SUGCT: variants seen among roughly 807,000 people sequenced by gnomAD.
SUGCT encodes succinyl-CoA:glutarate CoA-transferase.
SUGCT carries 41 observed loss-of-function variants against 55.0 expected under a neutral mutation model. That is an observed-to-expected ratio of 0.74 (90% CI 0.58 to 0.97). SUGCT has a LOEUF of 0.97. Among genes scored for constraint, SUGCT ranks in the 50% least tolerant of loss-of-function variants. The pLI is 0.00. For missense variants in SUGCT, 568 were observed against 547.8 expected, an observed-to-expected ratio of 1.04 and a Z score of -0.37; for synonymous variants, 187 against 200.4, an observed-to-expected ratio of 0.93 and a Z score of 0.56.
At chr7:40,630,182 AGCT>A (rs2151807233) in intron 12 of SUGCT, among the ~76,000 whole-genome samples, 1 of 152,314 alleles carries the variant, frequency 6.6e-6, no homozygotes, top group South Asian at 2.1e-4. Context: ...GTCTCCTGTG[AGCT>A]GCTTTCTCAT....
At chr7:40,626,130 A>G (rs1233667315) in intron 12 of SUGCT, among the ~76,000 whole-genome samples, 1 of 152,240 alleles carries the variant, frequency 6.6e-6, no homozygotes. Flanking sequence ...CTTGTGGCCA[A>G]AAGGACGTTC....
chr7:40,730,975 C>T (rs1201121922), intron 12 of SUGCT, among the ~76,000 whole-genome samples: 1 of 152,050 alleles, frequency 6.6e-6, no homozygotes, highest in Non-Finnish European at 1.5e-5. Flanking sequence ...AATGAATGGA[C>T]AAGTAATAGA....
At chr7:41,018,426 A>T in the SUGCT span, among the ~76,000 whole-genome samples, 2 of 152,168 alleles carry the variant, frequency 1.3e-5, no homozygotes, top group Non-Finnish European at 2.9e-5. Flanking sequence ...GGGAAAGGTG[A>T]GGAAGCATGG....
intron 12 of SUGCT, among the ~76,000 whole-genome samples, chr7:40,514,429 C>T (rs1326708356): frequency 2.0e-5 from 3 of 151,916 alleles, no homozygotes; most frequent in African/African-American, 7.3e-5. Context: ...CAAGCTAAGG[C>T]CAGGCGTGGG....
intron 1 of SUGCT, 95 bp downstream of exon 1, chr7:40,135,215 T>C (rs929538961): frequency 1.5e-6 from 2 of 1,355,716 alleles, no homozygotes; most frequent in Admixed American, 2.8e-5. Context: ...GTCTGAAGTC[T>C]CTGCTGACCC....
the SUGCT span, chr7:40,966,020 AC>A: frequency 2.0e-5 from 3 of 152,226 alleles, no homozygotes; most frequent in East Asian, 1.9e-4. Flanking sequence ...TTACACAGAA[AC>A]CCTTTTTAAA....
chr7:40,740,485 T>C (rs911092766), intron 12 of SUGCT, among the ~76,000 whole-genome samples: 8 of 151,040 alleles, frequency 5.3e-5, no homozygotes, highest in African/African-American at 1.9e-4. Context: ...TAGTAATAAG[T>C]CAAATAAGAG....
the SUGCT span, chr7:40,966,313 T>C: frequency 6.6e-6 from 1 of 152,252 alleles, no homozygotes; most frequent in Non-Finnish European, 1.5e-5. Flanking sequence ...GATTCTGCAT[T>C]GATGGAAAAA....
intron 13 of SUGCT, among the ~76,000 whole-genome samples, chr7:40,802,054 C>CTT (rs77975324): frequency 6.6e-6 from 1 of 151,256 alleles, no homozygotes; most frequent in Non-Finnish European, 1.5e-5. Flanking sequence ...AGAACAGACT[C>CTT]TTTTTTTTCC....
At chr7:40,441,178 C>T (rs886755316) in intron 9 of SUGCT, among the ~76,000 whole-genome samples, 1 of 152,086 alleles carries the variant, frequency 6.6e-6, no homozygotes, top group African/African-American at 2.4e-5. Flanking sequence ...ACTTTATGAA[C>T]TTAGTCAAAA....
At chr7:40,480,997 A>T (rs1364973242) in intron 11 of SUGCT, among the ~76,000 whole-genome samples, 2 of 152,160 alleles carry the variant, frequency 1.3e-5, no homozygotes, top group Non-Finnish European at 2.9e-5. Flanking sequence ...ACCATTAAAC[A>T]TGGGGGCAGC....
At chr7:40,389,469 A>ACAAACAAG (rs10660450) in intron 9 of SUGCT, among the ~76,000 whole-genome samples, 4,379 of 148,458 alleles carry the variant, frequency 0.029, 80 homozygotes, top group South Asian at 0.048. Context: ...AAACAAACAA[A>ACAAACAAG]CAAGCAAAAA....
the SUGCT span, among the ~76,000 whole-genome samples, chr7:40,986,881 A>G: frequency 6.6e-6 from 1 of 152,186 alleles, no homozygotes; most frequent in South Asian, 2.1e-4. Context: ...CAGCCAAAAG[A>G]AATAAAAAAA....
At chr7:40,867,624 A>G in the SUGCT span, among the ~76,000 whole-genome samples, 1 of 152,222 alleles carries the variant, frequency 6.6e-6, no homozygotes, top group Admixed American at 6.5e-5. Context: ...AGTCCCACAA[A>G]ATGAGAAGAT....
At chr7:40,282,054 C>G (rs1391702683) in intron 8 of SUGCT, among the ~76,000 whole-genome samples, 1 of 152,112 alleles carries the variant, frequency 6.6e-6, no homozygotes, top group Non-Finnish European at 1.5e-5. Context: ...CTCCTGACCT[C>G]AAGAGTGCTG....
chr7:40,642,245 C>A (rs1314563842), intron 12 of SUGCT, among the ~76,000 whole-genome samples: 4 of 152,178 alleles, frequency 2.6e-5, no homozygotes, highest in Non-Finnish European at 5.9e-5. Context: ...TTTTTATATA[C>A]TTTCGATGAT....
chr7:40,885,033 G>A, the SUGCT span, among the ~76,000 whole-genome samples: 89,092 of 151,830 alleles, frequency 0.59, 26,548 homozygotes, highest in East Asian at 0.92. Flanking sequence ...CCTGTTATAT[G>A]CATTAATGAA....
intron 9 of SUGCT, among the ~76,000 whole-genome samples, chr7:40,362,892 G>A (rs1798224868): frequency 6.6e-6 from 1 of 152,068 alleles, no homozygotes. Context: ...TTGTCTTATA[G>A]TATATGAAAT....
chr7:40,614,857 T>G (rs1798921403), intron 12 of SUGCT, among the ~76,000 whole-genome samples: 1 of 151,948 alleles, frequency 6.6e-6, no homozygotes, highest in Non-Finnish European at 1.5e-5. Flanking sequence ...TTCAGGAGTT[T>G]GAGACCAGGC....
Sources: gnomAD v4.1 joint callset for allele counts (sites outside exome capture counted in the v4.1 genomes callset) on GRCh38, gnomAD v4.1.1 for gene constraint, MANE v1.5 for transcripts, NCBI Gene and HGNC (gene_info 2026-07-23, HGNC 2026-07-21) for gene names.